FNTA: variants seen among roughly 807,000 people sequenced by gnomAD.
FNTA encodes the protein farnesyltransferase, CAAX box, subunit alpha.
Under a neutral mutation model 55.2 loss-of-function variants are expected in FNTA, and 27 were observed. The observed-to-expected ratio is 0.49, with a 90% CI of 0.36 to 0.67. The LOEUF is 0.67. Ranked by LOEUF, FNTA falls within the 30% of genes least tolerant of loss-of-function variation. The pLI is 0.00. For missense variants in FNTA, 422 were observed against 464.7 expected, an observed-to-expected ratio of 0.91 and a Z score of 0.85; for synonymous variants, 176 against 170.7, an observed-to-expected ratio of 1.03 and a Z score of -0.24.
Position 43,056,437 on chromosome 8 carries a change from C to T in FNTA, c.91C>T (p.Pro31Ser), listed in dbSNP as rs757943511. The change falls in exon 1 of 9, where the codon CCC becomes TCC. Residue 31 changes from proline (P) to serine (S), a missense_variant. Physicochemically the swap from Pro to Ser is moderately conservative, Grantham distance 74. Transcript: ENST00000302279. ...CCCGCCCCAGCCGCACCCACCGCCG[C>T]CCCAGCAGCAGCACAAGGAAGAGAT... ...QPPPQPHPPP[P>S]QQQHKEEMAA... 7 of 1,546,070 alleles carry T rather than the reference C, an allele frequency of 4.5e-6. No homozygotes were observed. Among genetic ancestry groups the T allele is most frequent in the Non-Finnish European group, 6.1e-6 (7 of 1,149,784 alleles).
intron 6 of FNTA, chr8:43,079,996 C>T (rs565350976): frequency 6.6e-6 from 1 of 152,146 alleles, no homozygotes; most frequent in Non-Finnish European, 1.5e-5. Context: ...ACTGCTGCAT[C>T]AAGACAATAC....
At chr8:43,075,064 A>G (rs975472468) in intron 5 of FNTA, among the ~76,000 whole-genome samples, 7 of 152,210 alleles carry the variant, frequency 4.6e-5, no homozygotes, top group African/African-American at 1.7e-4. Flanking sequence ...TGTTATTTTT[A>G]TAACTTCCAT....
chr8:43,075,879 C>CTT (rs111515423), intron 5 of FNTA, among the ~76,000 whole-genome samples: 7 of 142,988 alleles, frequency 4.9e-5, no homozygotes, highest in African/African-American at 1.5e-4. Context: ...TTTTCTTTTT[C>CTT]TTTTTTTTTT....
chr8:43,056,523 C>T lies in FNTA; in HGVS notation c.177C>T (p.Asp59=), dbSNP rs374602755. ...TGGACGACGGGTTTGTGAGCCTGGA[C>T]TCGCCCTCCTATGTCCTGTACAGGT... ...SPMDDGFVSL[D]SPSYVLYRDR... Residue 59 remains aspartate (D), a synonymous_variant, in exon 1 of 9, where the codon GAC becomes GAT. Transcript: ENST00000302279. 1.7e-5 allele frequency: 27 copies of T among 1,558,226 alleles called. No homozygotes were observed. In the African/African-American group the frequency reaches 3.3e-4, roughly 19 times the overall value.
intron 3 of FNTA, among the ~76,000 whole-genome samples, chr8:43,069,092 T>G (rs1810727250): frequency 6.6e-6 from 1 of 152,130 alleles, no homozygotes; most frequent in Non-Finnish European, 1.5e-5. Flanking sequence ...AATTGTTAAA[T>G]TATACAGAGT....
At chr8:43,083,364 C>A (rs1811062397) in intron 7 of FNTA, among the ~76,000 whole-genome samples, 184 bp downstream of exon 7, 1 of 152,166 alleles carries the variant, frequency 6.6e-6, no homozygotes, top group Non-Finnish European at 1.5e-5. Context: ...TATGCACCTC[C>A]CAAGTACCTA....
intron 6 of FNTA, chr8:43,082,104 G>GT (rs1209542160): frequency 6.6e-6 from 1 of 152,044 alleles, no homozygotes; most frequent in African/African-American, 2.4e-5. Context: ...TATAGTAACA[G>GT]CACTGCAGCA....
intron 2 of FNTA, among the ~76,000 whole-genome samples, chr8:43,061,713 T>C (rs779195324): frequency 2.0e-5 from 3 of 151,914 alleles, no homozygotes; most frequent in Non-Finnish European, 4.4e-5. Context: ...CATGACAATA[T>C]GTTGTTTATA....
intron 1 of FNTA, among the ~76,000 whole-genome samples, chr8:43,058,392 A>G (rs1469850938): frequency 6.6e-6 from 1 of 152,182 alleles, no homozygotes; most frequent in Admixed American, 6.5e-5. Context: ...GTCAATTCCT[A>G]GTATTTTGTT....
intron 6 of FNTA, chr8:43,080,938 T>C (rs1811014404): frequency 6.6e-6 from 1 of 152,222 alleles, no homozygotes; most frequent in South Asian, 2.1e-4. Flanking sequence ...ACAGAAATAA[T>C]TACCCAAGAA....
At chr8:43,069,863 C>T (rs1282760602) in intron 4 of FNTA, among the ~76,000 whole-genome samples, 1 of 151,192 alleles carries the variant, frequency 6.6e-6, no homozygotes, top group African/African-American at 2.4e-5. Flanking sequence ...AGGCTGGTCT[C>T]GAACTTCTGA....
chr8:43,069,421 A>G (rs367609299), intron 3 of FNTA, 134 bp from the exon 4 acceptor site: 6 of 620,692 alleles, frequency 9.7e-6, no homozygotes, highest in Admixed American at 2.7e-5. Flanking sequence ...TGCTTGGCCT[A>G]TAATTGTTAA....
chr8:43,083,826 A>G (rs1364740488), intron 7 of FNTA, among the ~76,000 whole-genome samples: 1 of 152,216 alleles, frequency 6.6e-6, no homozygotes, highest in East Asian at 1.9e-4. Context: ...CAATCCCAGC[A>G]CTTTGGGAGG....
chr8:43,083,039 C>G (rs991253223), intron 6 of FNTA, 79 bp from the exon 7 acceptor site: 3 of 823,984 alleles, frequency 3.6e-6, no homozygotes, highest in South Asian at 1.6e-5. Context: ...GAGCAAGACT[C>G]CGTTTCAGAA....
In FNTA at chr8:43,085,331, C is replaced by A. The variant is rs374884999; in HGVS notation, c.*49C>A. The A allele has an allele frequency of 4.4e-6, 7 of 1,574,122 alleles. No homozygotes were observed. In the African/African-American group the frequency reaches 6.8e-5, roughly 15 times the overall value. On this transcript the variant is annotated 3_prime_UTR_variant, in exon 9 of 9. Transcript: ENST00000302279. ...AATGCTTTTATTTTTTATTAAGGGA[C>A]CCTGCAGGAGTTTCACACGAGAGTG...
At chr8:43,076,942 C>G (rs1279476005) in intron 5 of FNTA, 1 of 279,118 alleles carries the variant, frequency 3.6e-6, no homozygotes, top group Non-Finnish European at 6.7e-6. Context: ...TGTGGTCACT[C>G]CTTCTCTTAC....
intron 3 of FNTA, among the ~76,000 whole-genome samples, chr8:43,064,479 A>AT (rs1033910579): frequency 1.3e-5 from 2 of 151,526 alleles, no homozygotes; most frequent in African/African-American, 4.9e-5. Context: ...CGCCCAGCTA[A>AT]TTTTTTTGTA....
At chr8:43,074,366 T>C (rs1810860402) in intron 5 of FNTA, among the ~76,000 whole-genome samples, 1 of 151,454 alleles carries the variant, frequency 6.6e-6, no homozygotes, top group Non-Finnish European at 1.5e-5. Context: ...CTACAAAAAA[T>C]ACAAAAAAAT....
At chr8:43,060,899 A>G (rs1810515844) in intron 2 of FNTA, among the ~76,000 whole-genome samples, 2 of 152,282 alleles carry the variant, frequency 1.3e-5, no homozygotes, top group South Asian at 4.1e-4. Flanking sequence ...CGTTTTTACA[A>G]CAGGATAAGG....
Sources: gnomAD v4.1 joint callset for allele counts (sites outside exome capture counted in the v4.1 genomes callset) on GRCh38, gnomAD v4.1.1 for gene constraint, MANE v1.5 for transcripts, NCBI Gene and HGNC (gene_info 2026-07-23, HGNC 2026-07-21) for gene names.